The following DCUN1D5 variants were observed in gnomAD, a reference collection of about 807,000 sequenced individuals.
The protein encoded by DCUN1D5 is DCN1-like protein 5.
A neutral mutation model predicts 38.3 loss-of-function variants in DCUN1D5; 10 were observed. The observed-to-expected ratio is 0.26, with a 90% CI of 0.16 to 0.44. The LOEUF (loss-of-function observed/expected upper bound fraction) is 0.44. Ranked by LOEUF, DCUN1D5 falls within the 20% of genes least tolerant of loss-of-function variation. DCUN1D5 has a pLI of 1.00. For synonymous variants in DCUN1D5, 93 were observed against 90.9 expected (o/e 1.02, Z -0.13); for missense variants, 148 against 275.3 (o/e 0.54, Z 3.27).
At position 103,063,075 on chromosome 11, in the gene DCUN1D5, G is replaced by T. The variant is rs1366320279; in HGVS notation, c.659-661C>A. 6.6e-6 allele frequency among the ~76,000 whole-genome samples: 1 copy of T among 152,002 alleles called. No homozygotes were observed. The highest frequency in any genetic ancestry group is 1.9e-4 in the East Asian group (1 of 5,198). On this transcript the variant is annotated intron_variant, in intron 7 of 7. Coordinates refer to ENST00000260247, the MANE Select transcript of DCUN1D5 (RefSeq NM_032299.4). This position sits in a 1 kb window ranked among gnomAD's most constrained non-coding sequence, Gnocchi z 4.6. ...TCTTCTTAAAACACATAATCCTCTGGTGGTCTTTTTCCATTGCTTTTGACA... is the reference window on the plus strand; with the variant it reads ...TCTTCTTAAAACACATAATCCTCTGTTGGTCTTTTTCCATTGCTTTTGACA...
chr11:103,080,304 T>C (rs1457687622), intron 4 of DCUN1D5, among the ~76,000 whole-genome samples: 1 of 152,208 alleles, frequency 6.6e-6, no homozygotes, highest in Admixed American at 6.5e-5. Flanking sequence ...AGTTTTATAT[T>C]TTAAGATTAT....
intron 4 of DCUN1D5, among the ~76,000 whole-genome samples, chr11:103,074,716 C>T (rs1397759431): frequency 6.6e-6 from 1 of 152,078 alleles, no homozygotes; most frequent in Admixed American, 6.5e-5. Flanking sequence ...TTTTAATCTG[C>T]TGTTTTTCAC....
At position 103,057,995 on chromosome 11, in the gene DCUN1D5, T is replaced by C. The variant is rs1406198138; in HGVS notation, c.*4364A>G. On this transcript the variant is annotated 3_prime_UTR_variant, in exon 8 of 8. Coordinates refer to ENST00000260247, the MANE Select transcript of DCUN1D5 (RefSeq NM_032299.4). This position sits in a 1 kb window ranked among gnomAD's most constrained non-coding sequence, Gnocchi z 4.8. Reference sequence around the variant, plus strand: ...ATTTGGGGGAAAGCTAAGACATTTTTAATAAAACGTTTGCTATTAACTCCC... The same window carrying C: ...ATTTGGGGGAAAGCTAAGACATTTTCAATAAAACGTTTGCTATTAACTCCC... 6.6e-6 allele frequency among the ~76,000 whole-genome samples: 1 copy of C among 152,170 alleles called. No individual in the cohort carries two copies. Among genetic ancestry groups the C allele is most frequent in the Non-Finnish European group, 1.5e-5 (1 of 68,028 alleles).
At chr11:103,068,100 A>G (rs755164184) in intron 4 of DCUN1D5, among the ~76,000 whole-genome samples, 1 of 152,172 alleles carries the variant, frequency 6.6e-6, no homozygotes, top group Non-Finnish European at 1.5e-5. Context: ...TATTTTACAT[A>G]TAAGTTTATT....
Position 103,091,497 on chromosome 11 carries a change from G to A in DCUN1D5, c.86+290C>T, listed in dbSNP as rs1389047331. On this transcript the variant is annotated intron_variant, in intron 1 of 7. Coordinates refer to ENST00000260247, the MANE Select transcript of DCUN1D5 (RefSeq NM_032299.4). This position sits in a 1 kb window ranked among gnomAD's most constrained non-coding sequence, Gnocchi z 4.3. Reference sequence around the variant, plus strand: ...TCGGTTGTGGGGTGGGGGTGGGGGTGGGGGGAAGCGCAATTTACATATGCA... The same window carrying A: ...TCGGTTGTGGGGTGGGGGTGGGGGTAGGGGGAAGCGCAATTTACATATGCA... The A allele has an allele frequency of 2.6e-6, 1 of 379,834 alleles. No individual in the cohort carries two copies. 23.5% of individuals were successfully genotyped at this position (379,834 alleles called of 1,614,324 possible).
chr11:103,059,960 G>A lies in DCUN1D5; in HGVS notation c.*2399C>T, dbSNP rs1861971006. On this transcript the variant is annotated 3_prime_UTR_variant, in exon 8 of 8. Coordinates refer to ENST00000260247, the MANE Select transcript of DCUN1D5 (RefSeq NM_032299.4). The stretch of plus-strand genomic sequence containing the variant: ...ACTTAAAGCTAACTAGTCAAAAAAG[G>A]AACCACAACAGTTAGACTTTTTTAT... 1.3e-5 allele frequency among the ~76,000 whole-genome samples: 2 copies of A among 152,064 alleles called. No individual in the cohort carries two copies. Among genetic ancestry groups the A allele is most frequent in the South Asian group, 4.1e-4 (2 of 4,826 alleles).
intron 4 of DCUN1D5, among the ~76,000 whole-genome samples, chr11:103,076,582 A>T (rs1288945825): frequency 6.6e-6 from 1 of 152,216 alleles, no homozygotes; most frequent in African/African-American, 2.4e-5. Context: ...GCAAGTTACT[A>T]AACCGTTTTC....
At chr11:103,082,311 G>C (rs1342747314) in intron 4 of DCUN1D5, among the ~76,000 whole-genome samples, 1 of 152,050 alleles carries the variant, frequency 6.6e-6, no homozygotes. Flanking sequence ...TCATAAAAGG[G>C]TTATGTAACT....
rs1862094634 is a variant in DCUN1D5, at chr11:103,064,789, A to G, written c.556-412T>C. On this transcript the variant is annotated intron_variant, in intron 6 of 7. Transcript: ENST00000260247. This position sits in a 1 kb window ranked among gnomAD's most constrained non-coding sequence, Gnocchi z 4.5. ...AGTTTGGCATCTTTGGAAACAAGTG[A>G]AAGAGTATAGGCTTCGATTTAAATC... Among the ~76,000 whole-genome samples the G allele has an allele frequency of 6.6e-6, 1 of 152,214 alleles. No homozygotes were observed.
In DCUN1D5 at chr11:103,086,663, C is replaced by A. The variant is rs2134635997; in HGVS notation, c.178+2564G>T. On this transcript the variant is annotated intron_variant, in intron 2 of 7. Coordinates refer to ENST00000260247, the MANE Select transcript of DCUN1D5 (RefSeq NM_032299.4). This position sits in a 1 kb window ranked among gnomAD's most constrained non-coding sequence, Gnocchi z 4.1. ...CTGTCTTCCTCACCAGAAGGCAAGT[C>A]CCCCAAAGGCAGGGATCTTGTCTGA... Among the ~76,000 whole-genome samples, 1 of 152,244 alleles carries A rather than the reference C, an allele frequency of 6.6e-6. No individual in the cohort carries two copies. Among genetic ancestry groups the A allele is most frequent in the African/African-American group, 2.4e-5 (1 of 41,532 alleles).
intron 3 of DCUN1D5, 73 bp from the exon 4 acceptor site, chr11:103,082,912 G>A (rs1862602232): frequency 1.7e-6 from 2 of 1,210,022 alleles, no homozygotes; most frequent in Non-Finnish European, 2.4e-6. Flanking sequence ...TTATCATGGA[G>A]AGCATTTTTA....
rs1246558460 is a variant in DCUN1D5, at chr11:103,086,543, CCTTCTTT to C, written c.178+2677_178+2683del. 6.6e-6 allele frequency among the ~76,000 whole-genome samples: 1 copy of C among 152,076 alleles called. No homozygotes were observed. The highest frequency in any genetic ancestry group is 6.5e-5 in the Admixed American group (1 of 15,272). ...CACTCTATCTGAAAGTCCATCTAACCCTTCTTTCTTCTCTATTCCTGAACCTCACCAT... is the reference window on the plus strand; with the variant it reads ...CACTCTATCTGAAAGTCCATCTAACCCTTCTCTATTCCTGAACCTCACCAT... On this transcript the variant is annotated intron_variant, in intron 2 of 7. Transcript: ENST00000260247. This position sits in a 1 kb window ranked among gnomAD's most constrained non-coding sequence, Gnocchi z 4.1.
At chr11:103,081,165 T>C (rs756774437) in intron 4 of DCUN1D5, among the ~76,000 whole-genome samples, 4 of 152,180 alleles carry the variant, frequency 2.6e-5, no homozygotes, top group African/African-American at 4.8e-5. Flanking sequence ...TGCAAAAACA[T>C]AAATAAGAAA....
intron 4 of DCUN1D5, among the ~76,000 whole-genome samples, chr11:103,080,883 A>G (rs2513994): frequency 0.27 from 41,176 of 151,802 alleles, 5,754 homozygotes; most frequent in African/African-American, 0.32. Context: ...GTGGAGGCAC[A>G]CGCCCGTAGT....
rs975322021 is a variant in DCUN1D5 at position 103,054,278 on chromosome 11, A to T, written c.*8081T>A. On this transcript the variant is annotated 3_prime_UTR_variant, in exon 8 of 8. Transcript: ENST00000260247. ...GAAGAAGTAGTGGGAGCAAAGATAG[A>T]AGGTTAGAATTGTCTCCATAATCTT... 1.3e-5 allele frequency: 2 copies of T among 152,144 alleles called. No individual in the cohort carries two copies. The highest frequency in any genetic ancestry group is 2.9e-5 in the Non-Finnish European group (2 of 68,004). 9.4% of individuals were successfully genotyped at this position (152,144 alleles called of 1,614,324 possible).
rs532859638 is a variant in DCUN1D5 at position 103,078,005 on chromosome 11, C to G, written c.341+4743G>C. Among the ~76,000 whole-genome samples, 59 of 152,138 alleles carry G rather than the reference C, an allele frequency of 3.9e-4. No individual in the cohort carries two copies. The highest frequency in any genetic ancestry group is 1.1e-3 in the African/African-American group (45 of 41,512). On this transcript the variant is annotated intron_variant, in intron 4 of 7. Transcript: ENST00000260247. This position sits in a 1 kb window ranked among gnomAD's most constrained non-coding sequence, Gnocchi z 4.6. The stretch of plus-strand genomic sequence containing the variant: ...ATTTCATTTACTCTCCTCTTCCACC[C>G]CCACCAAAAAAAAAAATCATATAAA...
At position 103,052,644 on chromosome 11, in the gene DCUN1D5, T is replaced by A. The variant is rs1197777547; in HGVS notation, c.*9715A>T. 6.6e-6 allele frequency: 1 copy of A among 152,196 alleles called. No individual in the cohort carries two copies. The allele number at this position is 152,196 out of a possible 1,614,324, so 9.4% of individuals were successfully genotyped here. A position where few individuals can be genotyped will look rare whatever the true frequency, so the allele number is the denominator to read the frequency against. Reference sequence around the variant, plus strand: ...ATCTACTCCAAGTCTCTCTTGGTAGTTCTTACATATCATCCTTTTTTAGAC... The same window carrying A: ...ATCTACTCCAAGTCTCTCTTGGTAGATCTTACATATCATCCTTTTTTAGAC... On this transcript the variant is annotated 3_prime_UTR_variant, in exon 8 of 8. Transcript: ENST00000260247.
Position 103,055,097 on chromosome 11 carries a change from A to G in DCUN1D5, c.*7262T>C, listed in dbSNP as rs541958481. On this transcript the variant is annotated 3_prime_UTR_variant, in exon 8 of 8. Transcript: ENST00000260247. ...TGAAATTCATTTATGTTTCATATACACTTTTTACACATAGCCTGCAGCTAA... is the reference window on the plus strand; with the variant it reads ...TGAAATTCATTTATGTTTCATATACGCTTTTTACACATAGCCTGCAGCTAA... 9 of 152,234 alleles carry G rather than the reference A, an allele frequency of 5.9e-5. No individual in the cohort carries two copies. Among genetic ancestry groups the G allele is most frequent in the East Asian group, 3.9e-4 (2 of 5,192 alleles). 9.4% of individuals were successfully genotyped at this position (152,234 alleles called of 1,614,324 possible). A position where few individuals can be genotyped will look rare whatever the true frequency, so the allele number is the denominator to read the frequency against.
rs186291454 is a variant in DCUN1D5 at position 103,051,820 on chromosome 11, C to T, written c.*10539G>A. 1 of 152,282 alleles carries T rather than the reference C, an allele frequency of 6.6e-6. No homozygotes were observed. Among genetic ancestry groups the T allele is most frequent in the Non-Finnish European group, 1.5e-5 (1 of 68,044 alleles). 9.4% of individuals were successfully genotyped at this position (152,282 alleles called of 1,614,324 possible). On this transcript the variant is annotated 3_prime_UTR_variant, in exon 8 of 8. Transcript: ENST00000260247. ...TGAACACAGATCTCTGAACTCCAAA[C>T]CCAGGGCTCTTTCCAGCCTTCCTTA... is the stretch of plus-strand genomic sequence containing the variant.
Sources: allele counts gnomAD v4.1 joint callset (sites outside exome capture counted in the v4.1 genomes callset), GRCh38; gene constraint gnomAD v4.1.1; non-coding constraint Gnocchi (gnomAD v3.1); transcripts MANE v1.5; gene names NCBI Gene and HGNC (gene_info 2026-07-23, HGNC 2026-07-21).